RIMBP2: variants seen among roughly 807,000 people sequenced by gnomAD.
RIMBP2 encodes the protein RIMS-binding protein 2.
RIMBP2 carries 48 observed loss-of-function variants against 118.6 expected under a neutral mutation model. The observed-to-expected ratio is 0.40, with a 90% CI of 0.32 to 0.51. RIMBP2 has a LOEUF of 0.51. RIMBP2 is among the 20% of genes least tolerant of loss of function. The pLI, the probability that RIMBP2 is intolerant of heterozygous loss-of-function variation, is 0.41. For synonymous variants in RIMBP2, 762 were observed against 742.9 expected, an observed-to-expected ratio of 1.03 and a Z score of -0.42; for missense variants, 1,551 against 1,768.3, an observed-to-expected ratio of 0.88 and a Z score of 2.20.
At chr12:130,452,642 G>C (rs1285421274) in intron 7 of RIMBP2, among the ~76,000 whole-genome samples, 3 of 152,244 alleles carry the variant, frequency 2.0e-5, no homozygotes, top group African/African-American at 7.2e-5. Flanking sequence ...GAACCTTGAG[G>C]GGAGTGGCAG....
chr12:130,522,631 C>T (rs1471849066), intron 2 of RIMBP2, among the ~76,000 whole-genome samples: 2 of 152,174 alleles, frequency 1.3e-5, no homozygotes, highest in East Asian at 3.9e-4. Context: ...AGCAGCTGGA[C>T]TTGTGCAGAG....
intron 2 of RIMBP2, among the ~76,000 whole-genome samples, chr12:130,601,362 C>CAAAAAAAAAAAAAAAAAAAAAAAAAA (rs2059875190): frequency 1.1e-5 from 1 of 92,238 alleles, no homozygotes; most frequent in Admixed American, 1.2e-4. Context: ...AAAAAAAAAG[C>CAAAAAAAAAAAAAAAAAAAAAAAAAA]AAACCGGCTG....
In RIMBP2 at chr12:130,710,374, G is replaced by A. The variant is rs1949822160; in HGVS notation, c.-352+5848C>T. Among the ~76,000 whole-genome samples, 1 of 152,020 alleles carries A rather than the reference G, an allele frequency of 6.6e-6. No homozygotes were observed. On this transcript the variant is annotated intron_variant, in intron 1 of 22. Transcript: ENST00000690449. This position sits in a 1 kb window ranked among gnomAD's most constrained non-coding sequence, Gnocchi z 4.3. ...TGCTGGGCACTCCATCAGGGCAGCT[G>A]TCTCTGGTGTAGTGATTATTCATTC...
chr12:130,664,415 A>ACACGCACACACACGCACACGCACGCACG (rs1555320883), intron 1 of RIMBP2, among the ~76,000 whole-genome samples: 1 of 130,496 alleles, frequency 7.7e-6, no homozygotes, highest in Admixed American at 7.8e-5. Flanking sequence ...ACGCACGCAC[A>ACACGCACACACACGCACACGCACGCACG]CACACGCACA....
At chr12:130,706,746 C>T (rs913231779) in intron 1 of RIMBP2, among the ~76,000 whole-genome samples, 8 of 152,110 alleles carry the variant, frequency 5.3e-5, no homozygotes, top group South Asian at 4.1e-4. Flanking sequence ...GCCTGGGGTA[C>T]GGTGAGGATT....
At chr12:130,459,783 G>T (rs557356133) in intron 6 of RIMBP2, among the ~76,000 whole-genome samples, 4 of 152,062 alleles carry the variant, frequency 2.6e-5, no homozygotes, top group South Asian at 2.1e-4. Context: ...GACGGGGGGT[G>T]GGGGGCCAAG....
At chr12:130,589,545 C>G (rs2140300699) in intron 2 of RIMBP2, among the ~76,000 whole-genome samples, 1 of 152,242 alleles carries the variant, frequency 6.6e-6, no homozygotes, top group South Asian at 2.1e-4. Flanking sequence ...GCCACACAGG[C>G]AGCTAACTCC....
At chr12:130,479,759 C>G (rs1400115556) in intron 4 of RIMBP2, among the ~76,000 whole-genome samples, 1 of 151,984 alleles carries the variant, frequency 6.6e-6, no homozygotes, top group Non-Finnish European at 1.5e-5. Flanking sequence ...CCCCCATCAG[C>G]CAGGCCCATT....
intron 1 of RIMBP2, among the ~76,000 whole-genome samples, chr12:130,646,625 G>A (rs2062989940): frequency 6.6e-6 from 1 of 152,220 alleles, no homozygotes; most frequent in African/African-American, 2.4e-5. Context: ...ACCAATCTTA[G>A]AGGTATAGGG....
At chr12:130,515,010 G>A (rs2051298725) in intron 3 of RIMBP2, among the ~76,000 whole-genome samples, 2 of 152,100 alleles carry the variant, frequency 1.3e-5, no homozygotes, top group Non-Finnish European at 2.9e-5. Flanking sequence ...CAGAGTAGCT[G>A]GGACTACAGG....
chr12:130,467,760 A>G (rs2080623202), intron 6 of RIMBP2, among the ~76,000 whole-genome samples: 1 of 152,144 alleles, frequency 6.6e-6, no homozygotes, highest in Non-Finnish European at 1.5e-5. Context: ...TACATCTTAT[A>G]CTTATTGATG....
At position 130,572,998 on chromosome 12, in the gene RIMBP2, G is replaced by A. The variant is rs1215471467; in HGVS notation, c.-216-55081C>T. On this transcript the variant is annotated intron_variant, in intron 2 of 22. Coordinates refer to ENST00000690449, the MANE Select transcript of RIMBP2 (RefSeq NM_001393629.1). ...GTCCACGGCAGCTGCGAGTGACGAAGCCTTCTTCCCACAGCCACTGCTGGC... is the reference window on the plus strand; with the variant it reads ...GTCCACGGCAGCTGCGAGTGACGAAACCTTCTTCCCACAGCCACTGCTGGC... Among the ~76,000 whole-genome samples, 5 of 152,240 alleles carry A rather than the reference G, an allele frequency of 3.3e-5. No homozygotes were observed. The East Asian group carries it at 9.7e-4, about 30-fold the overall frequency.
chr12:130,711,920 C>T (rs1020288603), intron 1 of RIMBP2, among the ~76,000 whole-genome samples: 13 of 152,276 alleles, frequency 8.5e-5, no homozygotes, highest in African/African-American at 2.7e-4. Flanking sequence ...CCATTGCTTC[C>T]GGTTTCACAG....
chr12:130,636,252 C>G (rs928460198), intron 1 of RIMBP2, among the ~76,000 whole-genome samples: 1 of 152,192 alleles, frequency 6.6e-6, no homozygotes, highest in African/African-American at 2.4e-5. Context: ...CCCTCTAAGA[C>G]CTTTCATCTG....
At chr12:130,653,596 ACT>A (rs960480047) in intron 1 of RIMBP2, among the ~76,000 whole-genome samples, 1 of 151,624 alleles carries the variant, frequency 6.6e-6, no homozygotes, top group African/African-American at 2.4e-5. Flanking sequence ...CCCAGTGGGG[ACT>A]CTGTGTGGGA....
intron 6 of RIMBP2, among the ~76,000 whole-genome samples, chr12:130,467,150 C>T (rs530964677): frequency 6.6e-6 from 1 of 152,316 alleles, no homozygotes; most frequent in Admixed American, 6.5e-5. Flanking sequence ...AGCTTTGAAA[C>T]AAAGAAGATA....
At chr12:130,557,270 C>T (rs764689056) in intron 2 of RIMBP2, among the ~76,000 whole-genome samples, 15 of 152,216 alleles carry the variant, frequency 9.9e-5, no homozygotes, top group Admixed American at 3.9e-4. Context: ...GAGCCCCCCA[C>T]AGCCTCAGGA....
intron 2 of RIMBP2, among the ~76,000 whole-genome samples, chr12:130,533,989 A>T (rs1375698492): frequency 6.6e-6 from 1 of 151,638 alleles, no homozygotes; most frequent in Non-Finnish European, 1.5e-5. Context: ...AACATGGTGA[A>T]ACCCCATCTC....
intron 20 of RIMBP2, among the ~76,000 whole-genome samples, chr12:130,406,607 C>T (rs542491989): frequency 3.9e-5 from 6 of 152,304 alleles, no homozygotes; most frequent in Non-Finnish European, 8.8e-5. Context: ...CGTAAATATC[C>T]TTTCACTGAG....
Sources: allele counts gnomAD v4.1 joint callset (sites outside exome capture counted in the v4.1 genomes callset), GRCh38; gene constraint gnomAD v4.1.1; non-coding constraint Gnocchi (gnomAD v3.1); transcripts MANE v1.5; gene names NCBI Gene and HGNC (gene_info 2026-07-23, HGNC 2026-07-21).